Variants in LIPG observed in about 807,000 individuals in gnomAD.
LIPG encodes the protein endothelial lipase.
In LIPG, 34 loss-of-function variants were observed where a neutral mutation model predicts 51.8. The observed-to-expected ratio is 0.66, with a 90% CI of 0.50 to 0.87. The LOEUF (loss-of-function observed/expected upper bound fraction) is 0.87. Ranked by LOEUF, LIPG falls within the 40% of genes least tolerant of loss-of-function variation. The pLI is 0.00. For synonymous variants in LIPG, 246 were observed against 246.1 expected (o/e 1.00, Z 0.00); for missense variants, 580 against 652.7 (o/e 0.89, Z 1.21).
intron 6 of LIPG, 145 bp from the exon 7 acceptor site, chr18:49,582,217 A>G (rs2084827386): frequency 1.1e-6 from 1 of 934,662 alleles, no homozygotes. Flanking sequence ...ATTGGACAGA[A>G]CAAGAGCAGA....
At chr18:49,561,773 A>G, upstream of LIPG, 1 of 1,251,150 alleles carries the variant, frequency 8.0e-7, no homozygotes, top group Non-Finnish European at 1.0e-6. Context: ...GGCAGTGGGG[A>G]GAGGAGGATC....
intron 5 of LIPG, among the ~76,000 whole-genome samples, chr18:49,580,805 C>T (rs1365701331): frequency 6.6e-6 from 1 of 152,196 alleles, no homozygotes; most frequent in East Asian, 1.9e-4. Context: ...TGGTCTGCAT[C>T]ACCCTACTTA....
Position 49,597,529 on chromosome 18 carries a change from T to C in LIPG, c.*7007T>C, listed in dbSNP as rs752566804. ...TCAAGTCATTTGTTTTCCTAAACCTTTGTGGTTATCCATACCATTTAACCT... is the reference window on the plus strand; with the variant it reads ...TCAAGTCATTTGTTTTCCTAAACCTCTGTGGTTATCCATACCATTTAACCT... On this transcript the variant is annotated 3_prime_UTR_variant, in exon 10 of 10. Transcript: ENST00000261292. 1.3e-5 allele frequency: 2 copies of C among 152,224 alleles called. No homozygotes were observed. Among genetic ancestry groups the C allele is most frequent in the Non-Finnish European group, 2.9e-5 (2 of 68,040 alleles). 9.4% of individuals were successfully genotyped at this position (152,224 alleles called of 1,614,324 possible). A position where few individuals can be genotyped will look rare whatever the true frequency, so the allele number is the denominator to read the frequency against.
At position 49,592,913 on chromosome 18, in the gene LIPG, C is replaced by T. The variant is rs1307953564; in HGVS notation, c.*2391C>T. 3 of 145,572 alleles carry T rather than the reference C, an allele frequency of 2.1e-5. No individual in the cohort carries two copies. The highest frequency in any genetic ancestry group is 4.5e-5 in the Non-Finnish European group (3 of 66,682). The allele number at this position is 145,572 out of a possible 1,614,324, so 9.0% of individuals were successfully genotyped here. A position where few individuals can be genotyped will look rare whatever the true frequency, so the allele number is the denominator to read the frequency against. On this transcript the variant is annotated 3_prime_UTR_variant, in exon 10 of 10. Transcript: ENST00000261292. ...AAAAAATTATAAAGTTCTTAATGGT[C>T]TGACAACTCAATTTTTTTTTTTTTT...
At position 49,597,982 on chromosome 18, in the gene LIPG, T is replaced by C. The variant is rs748491435; in HGVS notation, c.*7460T>C. On this transcript the variant is annotated 3_prime_UTR_variant, in exon 10 of 10. Coordinates refer to ENST00000261292, the MANE Select transcript of LIPG (RefSeq NM_006033.4). Reference sequence around the variant, plus strand: ...CCTCAACTATTTATTGTGAGGGAGATAATTCATTTTCATTTTCCTGCCAGA... The same window carrying C: ...CCTCAACTATTTATTGTGAGGGAGACAATTCATTTTCATTTTCCTGCCAGA... 1 of 152,232 alleles carries C rather than the reference T, an allele frequency of 6.6e-6. No homozygotes were observed. Among genetic ancestry groups the C allele is most frequent in the Non-Finnish European group, 1.5e-5 (1 of 68,044 alleles). 9.4% of individuals were successfully genotyped at this position (152,232 alleles called of 1,614,324 possible). A position where few individuals can be genotyped will look rare whatever the true frequency, so the allele number is the denominator to read the frequency against.
rs1239136216 is a variant in LIPG at position 49,593,144 on chromosome 18, T to C, written c.*2622T>C. The stretch of plus-strand genomic sequence containing the variant: ...TGGGGTTTCGCCATGTTGGCCAGGC[T>C]GGTCAGGCTGGGTTCGAACTCCTGG... On this transcript the variant is annotated 3_prime_UTR_variant, in exon 10 of 10. Coordinates refer to ENST00000261292, the MANE Select transcript of LIPG (RefSeq NM_006033.4). 6.6e-6 allele frequency: 1 copy of C among 152,134 alleles called. No homozygotes were observed. Among genetic ancestry groups the C allele is most frequent in the Non-Finnish European group, 1.5e-5 (1 of 68,036 alleles). 9.4% of individuals were successfully genotyped at this position (152,134 alleles called of 1,614,324 possible). A position where few individuals can be genotyped will look rare whatever the true frequency, so the allele number is the denominator to read the frequency against.
chr18:49,579,285 G>C (rs1347237029), intron 5 of LIPG, among the ~76,000 whole-genome samples: 1 of 148,838 alleles, frequency 6.7e-6, no homozygotes, highest in African/African-American at 2.5e-5. Context: ...TTTTAAAGAA[G>C]CAAAACCATT....
At chr18:49,572,906 A>G (rs767514040) in intron 4 of LIPG, among the ~76,000 whole-genome samples, 21 of 152,128 alleles carry the variant, frequency 1.4e-4, no homozygotes, top group Non-Finnish European at 1.5e-4. Context: ...GAGGTTCTCT[A>G]TCTCCTCTTT....
Position 49,575,544 on chromosome 18 carries a change from G to A in LIPG, c.747G>A (p.Gln249=). The A allele has an allele frequency of 6.2e-7, 1 of 1,614,188 alleles. No homozygotes were observed. The highest frequency in any genetic ancestry group is 8.5e-7 in the Non-Finnish European group (1 of 1,180,054). The change falls in exon 5 of 10, where the codon CAG becomes CAA. Residue 249 remains glutamine (Q), a synonymous_variant. Coordinates refer to ENST00000261292, the MANE Select transcript of LIPG (RefSeq NM_006033.4). ...IDIYPNGGDF[Q]PGCGLNDVLG... is the part of the protein sequence containing the mutation. Reference sequence around the variant, plus strand: ...TCTACCCCAATGGGGGTGACTTCCAGCCAGGCTGTGGACTCAACGATGTCT... The same window carrying A: ...TCTACCCCAATGGGGGTGACTTCCAACCAGGCTGTGGACTCAACGATGTCT...
upstream of LIPG, chr18:49,561,792 C>T (rs973292805): frequency 6.4e-6 from 8 of 1,254,724 alleles, no homozygotes; most frequent in African/African-American, 3.1e-5. Context: ...TCTGGGTGTC[C>T]GGAGGAGGGC....
intron 4 of LIPG, 72 bp from the exon 5 acceptor site, chr18:49,575,297 A>T: frequency 8.3e-7 from 1 of 1,201,098 alleles, no homozygotes; most frequent in Non-Finnish European, 1.2e-6. Flanking sequence ...ACTCAGACTT[A>T]ACTTGTAATC....
In LIPG at chr18:49,571,476, T is replaced by A. The variant is rs187742225; in HGVS notation, c.571+1928T>A. Among the ~76,000 whole-genome samples the A allele has an allele frequency of 9.8e-4, 149 of 152,270 alleles. 1 individual carries two copies. The highest frequency in any genetic ancestry group is 3.4e-3 in the African/African-American group (143 of 41,556). ...GTGGCAGGAGAGCCAGGCAGAATGC[T>A]AATTAGTGCTCTGGGATGTTTGCAT... On this transcript the variant is annotated intron_variant, in intron 4 of 9. Coordinates refer to ENST00000261292, the MANE Select transcript of LIPG (RefSeq NM_006033.4).
chr18:49,586,090 A>G (rs2084877131), intron 8 of LIPG, among the ~76,000 whole-genome samples: 1 of 152,214 alleles, frequency 6.6e-6, no homozygotes, highest in Non-Finnish European at 1.5e-5. Context: ...TGCGTGGGGC[A>G]GCCATAAGTT....
chr18:49,565,231 T>A, intron 1 of LIPG, 86 bp from the exon 2 acceptor site: 1 of 1,380,498 alleles, frequency 7.2e-7, no homozygotes, highest in South Asian at 1.2e-5. Context: ...TTAAGCAAAT[T>A]GCTCACGATT....
At chr18:49,571,569 C>T (rs770901814) in intron 4 of LIPG, among the ~76,000 whole-genome samples, 1 of 152,198 alleles carries the variant, frequency 6.6e-6, no homozygotes, top group Non-Finnish European at 1.5e-5. Context: ...GAGAAGGGGC[C>T]TGGCCTCTGT....
At chr18:49,584,954 C>T (rs553773262) in intron 8 of LIPG, among the ~76,000 whole-genome samples, 1 of 152,076 alleles carries the variant, frequency 6.6e-6, no homozygotes. Context: ...AGTTGAAGCC[C>T]CTGTGTCCTT....
chr18:49,581,277 C>A, intron 5 of LIPG, 138 bp from the exon 6 acceptor site: 1 of 1,329,368 alleles, frequency 7.5e-7, no homozygotes, highest in Non-Finnish European at 1.1e-6. Context: ...CACAAATAAA[C>A]AAGCAAAAGA....
In LIPG at chr18:49,592,167, C is replaced by T. The variant is rs1018700794; in HGVS notation, c.*1645C>T. 9 of 152,134 alleles carry T rather than the reference C, an allele frequency of 5.9e-5. No individual in the cohort carries two copies. The highest frequency in any genetic ancestry group is 1.9e-4 in the African/African-American group (8 of 41,438). The allele number at this position is 152,134 out of a possible 1,614,324, so 9.4% of individuals were successfully genotyped here. A position where few individuals can be genotyped will look rare whatever the true frequency, so the allele number is the denominator to read the frequency against. On this transcript the variant is annotated 3_prime_UTR_variant, in exon 10 of 10. Coordinates refer to ENST00000261292, the MANE Select transcript of LIPG (RefSeq NM_006033.4). The stretch of plus-strand genomic sequence containing the variant: ...CTAAGGACATTGTTTTAATCTGTAT[C>T]GTGCCAAAGTTGTATCACTGTTAAA...
At chr18:49,562,024 T>C, upstream of LIPG, 1 of 1,429,376 alleles carries the variant, frequency 7.0e-7, no homozygotes, top group Non-Finnish European at 9.1e-7. Context: ...ATGACTCCCA[T>C]ACTTTTAAAA....
Sources: gnomAD v4.1 joint callset for allele counts (sites outside exome capture counted in the v4.1 genomes callset) on GRCh38, gnomAD v4.1.1 for gene constraint, MANE v1.5 for transcripts, NCBI Gene and HGNC (gene_info 2026-07-23, HGNC 2026-07-21) for gene names.